DGKD: variants seen among roughly 807,000 people sequenced by gnomAD.
DGKD encodes the protein DAG kinase delta.
DGKD carries 68 observed loss-of-function variants against 154.4 expected under a neutral mutation model. The observed-to-expected ratio is 0.44, with a 90% CI of 0.36 to 0.54. The LOEUF (loss-of-function observed/expected upper bound fraction) is 0.54. DGKD is among the 20% of genes least tolerant of loss of function. The pLI is 0.00. For synonymous variants in DGKD, 693 were observed against 638.0 expected (o/e 1.09, Z -1.30); for missense variants, 1,343 against 1,593.6 (o/e 0.84, Z 2.68).
chr2:233,446,894 C>G, intron 12 of DGKD, 98 bp downstream of exon 12: 2 of 1,395,102 alleles, frequency 1.4e-6, no homozygotes, highest in South Asian at 2.6e-5. Flanking sequence ...AGACGCCTCC[C>G]CTTTGGTGTT....
At chr2:233,409,158 TTG>T (rs1327408220) in intron 3 of DGKD, 1 of 152,254 alleles carries the variant, frequency 6.6e-6, no homozygotes, top group Admixed American at 6.5e-5. Context: ...GGGTTTGCAT[TTG>T]TGAAATCTAA....
At chr2:233,419,389 G>C (rs540535243) in intron 3 of DGKD, 1 of 985,576 alleles carries the variant, frequency 1.0e-6, no homozygotes, top group South Asian at 4.7e-5. Flanking sequence ...ACGTGGAGCA[G>C]CTGGAAACTG....
rs2063533179 is a variant in DGKD at position 233,458,657 on chromosome 2, G to T, written c.2694+260G>T. The stretch of plus-strand genomic sequence containing the variant: ...GACAGAGTCTTGCTCTGTTGCCCAG[G>T]CTGGAGTGCAGTGGTGCAATCTCGG... On this transcript the variant is annotated intron_variant, in intron 22 of 29. Transcript: ENST00000264057. The surrounding 1 kb of genome is among the most constrained non-coding windows in gnomAD (Gnocchi z 6.6). Among the ~76,000 whole-genome samples, 1 of 151,122 alleles carries T rather than the reference G, an allele frequency of 6.6e-6. No homozygotes were observed. The highest frequency in any genetic ancestry group is 2.1e-4 in the South Asian group (1 of 4,770).
At position 233,434,366 on chromosome 2, in the gene DGKD, GTTTC is replaced by G. The variant is rs907920013; in HGVS notation, c.349-8_349-5del. ...TTTTGTTCATGGATCTGTTGAACCT[GTTTC>G]TTTCTCTAGGTCATAACTCCATGCA... On this transcript the variant is annotated splice_polypyrimidine_tract_variant and intron_variant, in intron 3 of 29. Transcript: ENST00000264057. 2.4e-5 allele frequency: 38 copies of G among 1,609,768 alleles called. No homozygotes were observed. The highest frequency in any genetic ancestry group is 2.9e-5 in the Non-Finnish European group (34 of 1,176,514).
At chr2:233,432,597 T>A (rs1001115579) in intron 3 of DGKD, among the ~76,000 whole-genome samples, 2 of 152,196 alleles carry the variant, frequency 1.3e-5, no homozygotes, top group African/African-American at 4.8e-5. Context: ...AGGCGGAGTT[T>A]GCAGTGAGCG....
At chr2:233,436,570 G>A in intron 7 of DGKD, 129 bp downstream of exon 7, 1 of 1,349,886 alleles carries the variant, frequency 7.4e-7, no homozygotes, top group Non-Finnish European at 9.8e-7. Context: ...CCGGCTGAGA[G>A]TGGGTTTTTG....
Position 233,445,789 on chromosome 2 carries a change from T to C in DGKD, c.1334+27T>C. ...TGAGTGGGGATGTGCTCCGGTGCCG[T>C]ATGAGGAGACTTTGAGAGACAGGTC... On this transcript the variant is annotated intron_variant, in intron 11 of 29. Coordinates refer to ENST00000264057, the MANE Select transcript of DGKD (RefSeq NM_152879.3). The surrounding 1 kb of genome is among the most constrained non-coding windows in gnomAD (Gnocchi z 5.5). The C allele has an allele frequency of 6.3e-7, 1 of 1,579,932 alleles. No individual in the cohort carries two copies. Among genetic ancestry groups the C allele is most frequent in the South Asian group, 1.2e-5 (1 of 86,652 alleles).
At chr2:233,386,450 AT>A (rs988219683) in intron 1 of DGKD, among the ~76,000 whole-genome samples, 2 of 150,070 alleles carry the variant, frequency 1.3e-5, no homozygotes, top group African/African-American at 4.9e-5. Context: ...CGCTACCAGA[AT>A]CGGGGTGGGA....
chr2:233,430,664 C>T (rs941666435), intron 3 of DGKD, among the ~76,000 whole-genome samples: 5 of 152,128 alleles, frequency 3.3e-5, no homozygotes, highest in Admixed American at 6.5e-5. Context: ...GGAACTCCAT[C>T]GCTATATTAT....
chr2:233,390,988 C>T (rs112423333), intron 3 of DGKD, among the ~76,000 whole-genome samples: 35 of 152,332 alleles, frequency 2.3e-4, no homozygotes, highest in African/African-American at 7.7e-4. Flanking sequence ...CCTCCTTGGC[C>T]TCCCAAAATC....
chr2:233,392,609 T>C (rs1258697228), intron 3 of DGKD, among the ~76,000 whole-genome samples: 1 of 152,196 alleles, frequency 6.6e-6, no homozygotes, highest in Non-Finnish European at 1.5e-5. Flanking sequence ...TTTCTATGAG[T>C]TTATGTTTTC....
At chr2:233,358,316 C>G (rs1319892040) in intron 1 of DGKD, among the ~76,000 whole-genome samples, 1 of 152,194 alleles carries the variant, frequency 6.6e-6, no homozygotes, top group East Asian at 1.9e-4. Flanking sequence ...AGAAAGTTAA[C>G]ATTTTTTGGA....
chr2:233,431,695 C>T (rs1235930332), intron 3 of DGKD, among the ~76,000 whole-genome samples: 1 of 152,184 alleles, frequency 6.6e-6, no homozygotes, highest in Non-Finnish European at 1.5e-5. Flanking sequence ...ACATTTTTGA[C>T]AAACGTACCA....
At chr2:233,373,529 A>T (rs1175089012) in intron 1 of DGKD, among the ~76,000 whole-genome samples, 1 of 152,220 alleles carries the variant, frequency 6.6e-6, no homozygotes, top group Non-Finnish European at 1.5e-5. Context: ...AGCTGCCCTC[A>T]GCCTTATCTG....
At chr2:233,460,468 T>C (rs1399181956) in intron 24 of DGKD, 123 bp downstream of exon 24, 9 of 1,283,906 alleles carry the variant, frequency 7.0e-6, no homozygotes, top group South Asian at 1.5e-5. Flanking sequence ...GCATTACCCA[T>C]GAGGGCCGAG....
rs773036311 is a variant in DGKD, at chr2:233,445,712, C to T, written c.1284C>T (p.Leu428=). 18 of 1,613,396 alleles carry T rather than the reference C, an allele frequency of 1.1e-5. No homozygotes were observed. Among genetic ancestry groups the T allele is most frequent in the East Asian group, 2.2e-5 (1 of 44,814 alleles). The stretch of plus-strand genomic sequence containing the variant: ...CAGCCTGCGATGACGACACCCAGCT[C>T]CCCCAGATCTTGGAGAAGTTGGAGA... ...WGSACDDDTQ[L]PQILEKLERA... The change falls in exon 11 of 30, where the codon CTC becomes CTT. Residue 428 remains leucine (L), a synonymous_variant. Coordinates refer to ENST00000264057, the MANE Select transcript of DGKD (RefSeq NM_152879.3). The surrounding 1 kb of genome is among the most constrained non-coding windows in gnomAD (Gnocchi z 5.5).
intron 1 of DGKD, among the ~76,000 whole-genome samples, chr2:233,375,929 AG>A (rs1702551971): frequency 6.6e-6 from 1 of 152,162 alleles, no homozygotes; most frequent in African/African-American, 2.4e-5. Context: ...TGAAAGGTCA[AG>A]GGTCGAGTCC....
rs1460396258 is a variant in DGKD, at chr2:233,470,357, G to A, written c.*897G>A. 6.6e-6 allele frequency: 1 copy of A among 152,546 alleles called. No individual in the cohort carries two copies. Among genetic ancestry groups the A allele is most frequent in the East Asian group, 1.9e-4 (1 of 5,328 alleles). 9.4% of individuals were successfully genotyped at this position (152,546 alleles called of 1,614,324 possible). The stretch of plus-strand genomic sequence containing the variant: ...GGAAACTTTTTCTGCCCATTCTGTG[G>A]TTCCCAGGGAGCGTGGCCCTGGTGG... On this transcript the variant is annotated 3_prime_UTR_variant, in exon 30 of 30. Transcript: ENST00000264057.
At position 233,434,395 on chromosome 2, in the gene DGKD, A is replaced by C. The variant is rs757528886; in HGVS notation, c.364A>C (p.Arg122=). The stretch of plus-strand genomic sequence containing the variant: ...CTTTCTCTAGGTCATAACTCCATGC[A>C]GGAAGCTCATCTTGTGTGCTGATAA... ...NNSFTVITPC[R]KLILCADNRK... Residue 122 remains arginine (R), a synonymous_variant, in exon 4 of 30, where the codon AGG becomes CGG. Coordinates refer to ENST00000264057, the MANE Select transcript of DGKD (RefSeq NM_152879.3). The C allele has an allele frequency of 2.5e-6, 4 of 1,614,172 alleles. No individual in the cohort carries two copies. Among genetic ancestry groups the C allele is most frequent in the Non-Finnish European group, 3.4e-6 (4 of 1,179,978 alleles).
Sources: allele counts gnomAD v4.1 joint callset (sites outside exome capture counted in the v4.1 genomes callset), GRCh38; gene constraint gnomAD v4.1.1; non-coding constraint Gnocchi (gnomAD v3.1); transcripts MANE v1.5; gene names NCBI Gene and HGNC (gene_info 2026-07-23, HGNC 2026-07-21).